Variants in GAS7 observed in about 807,000 individuals in gnomAD.
The protein encoded by GAS7 is growth arrest specific 7, also known as growth arrest-specific protein 7.
GAS7 carries 28 observed loss-of-function variants against 71.1 expected under a neutral mutation model. The observed-to-expected ratio is 0.39, with a 90% CI of 0.29 to 0.54. The LOEUF is 0.54. GAS7 is among the 20% of genes least tolerant of loss of function. The pLI is 0.62. For synonymous variants in GAS7, 258 were observed against 245.8 expected (o/e 1.05, Z -0.46); for missense variants, 436 against 627.8 (o/e 0.69, Z 3.27).
chr17:10,171,346 C>G (rs953935360), intron 1 of GAS7, among the ~76,000 whole-genome samples: 10 of 152,188 alleles, frequency 6.6e-5, no homozygotes, highest in African/African-American at 2.4e-4. Context: ...ACCCAGAACC[C>G]CATTCACAGC....
At chr17:10,180,488 A>G (rs965947770) in intron 1 of GAS7, among the ~76,000 whole-genome samples, 17 of 152,084 alleles carry the variant, frequency 1.1e-4, no homozygotes, top group Non-Finnish European at 2.4e-4. Flanking sequence ...ATGCCCACAA[A>G]TCGAGAACAC....
chr17:10,157,726 G>A (rs1359647510), intron 1 of GAS7, among the ~76,000 whole-genome samples: 2 of 152,142 alleles, frequency 1.3e-5, no homozygotes, highest in Non-Finnish European at 2.9e-5. Context: ...CAGTCAACTG[G>A]ACTCTTCACC....
At chr17:10,191,184 A>T (rs2074496279) in intron 1 of GAS7, among the ~76,000 whole-genome samples, 1 of 151,950 alleles carries the variant, frequency 6.6e-6, no homozygotes, top group Admixed American at 6.6e-5. Flanking sequence ...TCAAAAAAAA[A>T]AAAAGAAAGT....
intron 1 of GAS7, among the ~76,000 whole-genome samples, chr17:10,106,290 C>T (rs1004261659): frequency 6.6e-6 from 1 of 152,088 alleles, no homozygotes; most frequent in African/African-American, 2.4e-5. Flanking sequence ...GCTCGGGTGG[C>T]GGCTCCTCCG....
intron 1 of GAS7, among the ~76,000 whole-genome samples, chr17:10,148,350 C>T (rs546691142): frequency 4.6e-4 from 70 of 152,084 alleles, no homozygotes; most frequent in African/African-American, 1.6e-3. Context: ...GCGGCTCACA[C>T]CTGCAATCCC....
intron 2 of GAS7, among the ~76,000 whole-genome samples, chr17:10,001,403 T>C (rs919083223): frequency 9.2e-5 from 14 of 152,258 alleles, no homozygotes; most frequent in African/African-American, 2.2e-4. Flanking sequence ...CCTAATCCCA[T>C]GCCTTGGAAA....
At chr17:9,971,928 CT>C (rs1358378010) in intron 3 of GAS7, among the ~76,000 whole-genome samples, 2 of 152,206 alleles carry the variant, frequency 1.3e-5, no homozygotes, top group Non-Finnish European at 2.9e-5. Context: ...CCGTCTCCTG[CT>C]CAGGTGGTGC....
intron 1 of GAS7, among the ~76,000 whole-genome samples, chr17:10,196,037 C>T (rs11650815): frequency 0.35 from 53,152 of 151,996 alleles, 9,378 homozygotes; most frequent in Middle Eastern, 0.43. Context: ...CAAGTTGCTC[C>T]TGGATGCAGC....
chr17:10,097,389 C>A (rs1466486015), intron 1 of GAS7, among the ~76,000 whole-genome samples: 1 of 152,200 alleles, frequency 6.6e-6, no homozygotes, highest in Non-Finnish European at 1.5e-5. Context: ...GTTACTCAGT[C>A]TCTCGGGGCT....
At chr17:10,039,951 C>T (rs75912041) in intron 1 of GAS7, among the ~76,000 whole-genome samples, 7,248 of 152,178 alleles carry the variant, frequency 0.048, 551 homozygotes, top group African/African-American at 0.16. Context: ...ACAGCAGGGC[C>T]CATCTCTTCC....
intron 1 of GAS7, among the ~76,000 whole-genome samples, chr17:10,035,641 T>A (rs1008944243): frequency 1.3e-5 from 2 of 152,104 alleles, no homozygotes; most frequent in Non-Finnish European, 2.9e-5. Flanking sequence ...AACCTGGACC[T>A]CTCACAGCTG....
At chr17:9,924,327 C>T (rs1471448269) in intron 11 of GAS7, among the ~76,000 whole-genome samples, 1 of 152,128 alleles carries the variant, frequency 6.6e-6, no homozygotes, top group Non-Finnish European at 1.5e-5. Context: ...CATGCACCAC[C>T]ATGCCTAGCT....
intron 2 of GAS7, among the ~76,000 whole-genome samples, chr17:9,983,229 C>T (rs1177708475): frequency 1.3e-5 from 2 of 152,114 alleles, no homozygotes; most frequent in African/African-American, 4.8e-5. Flanking sequence ...GTGGTTCATG[C>T]GTCTTATCTC....
intron 5 of GAS7, among the ~76,000 whole-genome samples, chr17:9,949,803 C>T (rs1022964047): frequency 6.7e-6 from 1 of 149,602 alleles, no homozygotes; most frequent in South Asian, 2.2e-4. Flanking sequence ...CTCTCCTCCC[C>T]TCCCTCCTTC....
At chr17:10,190,108 G>A (rs2074486746) in intron 1 of GAS7, among the ~76,000 whole-genome samples, 1 of 152,220 alleles carries the variant, frequency 6.6e-6, no homozygotes, top group African/African-American at 2.4e-5. Flanking sequence ...CAGCAGCAGA[G>A]TGGATTAGTT....
chr17:10,105,616 G>A (rs774513468), intron 1 of GAS7, among the ~76,000 whole-genome samples: 4 of 152,114 alleles, frequency 2.6e-5, no homozygotes, highest in Non-Finnish European at 5.9e-5. Context: ...GTGGCCAGCT[G>A]CTTCTTGTCA....
In GAS7 at chr17:10,026,331, TC is replaced by T; in HGVS notation, c.184-6435del. The T allele has an allele frequency of 2.1e-6, 2 of 968,720 alleles. No individual in the cohort carries two copies. Among genetic ancestry groups the T allele is most frequent in the Non-Finnish European group, 2.5e-6 (2 of 816,142 alleles). The allele number at this position is 968,720 out of a possible 1,614,324, so 60.0% of individuals were successfully genotyped here. The stretch of plus-strand genomic sequence containing the variant: ...TATCCACAGGGCCCCACACCCCCAC[TC>T]CCCCCACACCCAGATCTATATATAA... On this transcript the variant is annotated intron_variant, in intron 1 of 13. Transcript: ENST00000432992. This position sits in a 1 kb window ranked among gnomAD's most constrained non-coding sequence, Gnocchi z 4.5.
rs1031423773 is a variant in GAS7, at chr17:9,942,886, T to A, written c.731+235A>T. On this transcript the variant is annotated intron_variant, in intron 7 of 13. Coordinates refer to ENST00000432992, the MANE Select transcript of GAS7 (RefSeq NM_201433.2). ...TGTGCTAAATATCCAGATTTTAATA[T>A]GAAATCTACCCATTTTTTTAAGTGT... Among the ~76,000 whole-genome samples the A allele has an allele frequency of 7.2e-5, 9 of 124,926 alleles. No individual in the cohort carries two copies. In the South Asian group the frequency reaches 1.2e-3, roughly 17 times the overall value. The allele number at this position is 124,926 out of a possible 152,430, so 82.0% of individuals were successfully genotyped here.
chr17:10,011,698 C>T (rs922527706), intron 2 of GAS7, among the ~76,000 whole-genome samples: 2 of 152,092 alleles, frequency 1.3e-5, no homozygotes, highest in Non-Finnish European at 2.9e-5. Flanking sequence ...ATCTCAAGGC[C>T]GGGTGCGGTG....
Sources: allele counts gnomAD v4.1 joint callset (sites outside exome capture counted in the v4.1 genomes callset), GRCh38; gene constraint gnomAD v4.1.1; non-coding constraint Gnocchi (gnomAD v3.1); transcripts MANE v1.5; gene names NCBI Gene and HGNC (gene_info 2026-07-23, HGNC 2026-07-21).